SLC36A2: variants seen among roughly 807,000 people sequenced by gnomAD.
SLC36A2 encodes the protein proton-coupled amino acid transporter 2.
In SLC36A2, 39 loss-of-function variants were observed where a neutral mutation model predicts 42.7. The ratio of observed to expected loss-of-function variants is 0.91; its 90% confidence interval spans 0.71 to 1.19. The LOEUF (loss-of-function observed/expected upper bound fraction) is 1.19, where lower values mean the gene tolerates loss of function less well. Among genes scored for constraint, SLC36A2 ranks in the 50% most tolerant of loss-of-function variants. The pLI is 0.00. For synonymous variants in SLC36A2, 237 were observed against 240.8 expected (o/e 0.98, Z 0.15); for missense variants, 590 against 613.7 (o/e 0.96, Z 0.41).
At position 151,344,244 on chromosome 5, in the gene SLC36A2, A is replaced by G; in HGVS notation, c.188T>C (p.Leu63Pro). The change falls in exon 2 of 10, where the codon CTG (leucine) becomes CCG (proline). Residue 63 changes from leucine to proline, a missense_variant. Leu to Pro is a moderately conservative substitution (Grantham distance 98). Coordinates refer to ENST00000335244, the MANE Select transcript of SLC36A2 (RefSeq NM_181776.3). ...CCCTGTGCCCATGTTGCCTTTCACC[A>G]GGTGAATCAAGGCCTGGAACACTCT... The part of the protein sequence containing the change: ...GITVFQALIH[L>P]VKGNMGTGIL... The G allele has an allele frequency of 6.2e-7, 1 of 1,614,044 alleles. No individual in the cohort carries two copies. The highest frequency in any genetic ancestry group is 8.5e-7 in the Non-Finnish European group (1 of 1,179,968).
chr5:151,324,093 A>G (rs934196963), intron 8 of SLC36A2, among the ~76,000 whole-genome samples: 1 of 152,178 alleles, frequency 6.6e-6, no homozygotes, highest in East Asian at 1.9e-4. Flanking sequence ...TGAATTGAGT[A>G]TGCTAGAACA....
At chr5:151,328,159 A>G (rs1021610042) in intron 7 of SLC36A2, among the ~76,000 whole-genome samples, 2 of 152,226 alleles carry the variant, frequency 1.3e-5, no homozygotes, top group East Asian at 1.9e-4. Context: ...GTCCATGACT[A>G]TTCCAAATTC....
chr5:151,321,485 G>A (rs1407918354), intron 9 of SLC36A2, among the ~76,000 whole-genome samples: 2 of 151,916 alleles, frequency 1.3e-5, no homozygotes, highest in African/African-American at 4.8e-5. Flanking sequence ...TGCGCAGCAA[G>A]TTCTTACAGT....
In SLC36A2 at chr5:151,342,898, G is replaced by A. The variant is rs80168260; in HGVS notation, c.430C>T (p.His144Tyr). ...GCAAGAACAGGTTACCTTCCCCAGT[G>A]AGCGTGATTCTGGAGCCAGGCGTTG... The part of the protein sequence containing the change: ...NPNAWLQNHA[H>Y]WGRHIVSFFL... Residue 144 changes from histidine (H) to tyrosine (Y), a missense_variant, in exon 4 of 10, where the codon CAC becomes TAC. Physicochemically the swap from His to Tyr is moderately conservative, Grantham distance 83 (BLOSUM62 2). Transcript: ENST00000335244. 321 of 1,614,060 alleles carry A rather than the reference G, an allele frequency of 2.0e-4. No individual in the cohort carries two copies. In the African/African-American group the frequency reaches 3.1e-3, roughly 16 times the overall value.
rs1462359907 is a variant in SLC36A2 at position 151,343,523 on chromosome 5, G to T, written c.331C>A (p.Arg111Ser). Residue 111 changes from arginine (R) to serine (S), a missense_variant, in exon 3 of 10, where the codon CGC becomes AGC. Coordinates refer to ENST00000335244, the MANE Select transcript of SLC36A2 (RefSeq NM_181776.3). Reference protein sequence around the residue: ...CMHILVKCAQRFCKRLNKPFM... With the variant: ...CMHILVKCAQSFCKRLNKPFM... ...TGTTTTCCTCACCTCTTACAGAAGC[G>T]CTGGGCACACTTGACCAGGATGTGC... The T allele has an allele frequency of 6.2e-7, 1 of 1,614,132 alleles. No homozygotes were observed.
At chr5:151,322,720 G>A (rs408316) in intron 8 of SLC36A2, among the ~76,000 whole-genome samples, 85,373 of 152,028 alleles carry the variant, frequency 0.56, 24,525 homozygotes, top group East Asian at 0.85. Flanking sequence ...CAAATCCTTG[G>A]AAGAAGAGAC....
At chr5:151,332,278 T>C (rs1227336117) in intron 7 of SLC36A2, 2 of 323,472 alleles carry the variant, frequency 6.2e-6, no homozygotes, top group African/African-American at 2.2e-5. Flanking sequence ...GTATCTGGAA[T>C]ATATAAAGAA....
intron 8 of SLC36A2, 88 bp downstream of exon 8, chr5:151,325,198 G>A (rs1488045489): frequency 6.7e-7 from 1 of 1,494,562 alleles, no homozygotes; most frequent in Admixed American, 1.9e-5. Flanking sequence ...CTAGACCTCA[G>A]TTTCCCAGCT....
intron 1 of SLC36A2, among the ~76,000 whole-genome samples, chr5:151,346,611 A>T (rs903044388): frequency 6.6e-6 from 1 of 151,762 alleles, no homozygotes; most frequent in African/African-American, 2.4e-5. Flanking sequence ...TCACTACCAC[A>T]CCCCACACCT....
chr5:151,334,390 A>G (rs1417290898), intron 6 of SLC36A2, among the ~76,000 whole-genome samples: 7 of 151,964 alleles, frequency 4.6e-5, no homozygotes, highest in South Asian at 2.1e-4. Flanking sequence ...AGTGTTGTCT[A>G]TTATAAAAGA....
rs140956938 is a variant in SLC36A2, at chr5:151,317,065, G to A, written c.1204C>T (p.Arg402Cys). The change falls in exon 10 of 10, where the codon CGC becomes TGC. Residue 402 changes from arginine (R) to cysteine (C), a missense_variant. By Grantham distance (180) the Arg-to-Cys change is radical. Transcript: ENST00000335244. ...ACCAGGGAGATGACCAGGTCCAGGC[G>A]GGGGATGAGGATGGCCAGGAGGCCT... ...LTCLLAILIP[R>C]LDLVISLVGS... 42 of 1,614,102 alleles carry A rather than the reference G, an allele frequency of 2.6e-5. No homozygotes were observed. The African/African-American group carries it at 2.7e-4, about 10-fold the overall frequency.
At position 151,316,763 on chromosome 5, in the gene SLC36A2, A is replaced by AG; in HGVS notation, c.*53dup. 1 of 1,490,262 alleles carries AG rather than the reference A, an allele frequency of 6.7e-7. No homozygotes were observed. The allele number at this position is 1,490,262 out of a possible 1,614,324, so 92.3% of individuals were successfully genotyped here. A position where few individuals can be genotyped will look rare whatever the true frequency, so the allele number is the denominator to read the frequency against. On this transcript the variant is annotated 3_prime_UTR_variant, in exon 10 of 10. Coordinates refer to ENST00000335244, the MANE Select transcript of SLC36A2 (RefSeq NM_181776.3). ...CTCAAAAAAAAAAAAAAAAAAAAAA[A>AG]GAGATCCATATAATTAAAAGTCGGG...
At chr5:151,338,917 G>C in intron 5 of SLC36A2, 143 bp downstream of exon 5, 1 of 669,854 alleles carries the variant, frequency 1.5e-6, no homozygotes, top group East Asian at 3.2e-5. Context: ...ATGTGAACTA[G>C]GGGAGGCAAG....
chr5:151,331,674 A>T (rs1755999404), intron 7 of SLC36A2, among the ~76,000 whole-genome samples: 1 of 152,154 alleles, frequency 6.6e-6, no homozygotes, highest in South Asian at 2.1e-4. Flanking sequence ...ACAACCAGAA[A>T]GATAGAGGAT....
intron 4 of SLC36A2, among the ~76,000 whole-genome samples, chr5:151,341,730 C>A (rs753825669): frequency 2.0e-5 from 3 of 152,140 alleles, no homozygotes; most frequent in Non-Finnish European, 4.4e-5. Flanking sequence ...ACCTCTCTGT[C>A]CCTGGCTTCA....
At chr5:151,341,167 A>T (rs1756333458) in intron 4 of SLC36A2, among the ~76,000 whole-genome samples, 1 of 152,208 alleles carries the variant, frequency 6.6e-6, no homozygotes, top group African/African-American at 2.4e-5. Context: ...AGAGGCAGTA[A>T]TTAATGAAAG....
chr5:151,331,640 A>G (rs561932129), intron 7 of SLC36A2, among the ~76,000 whole-genome samples: 1 of 152,184 alleles, frequency 6.6e-6, no homozygotes, highest in African/African-American at 2.4e-5. Flanking sequence ...TTTGCAATAG[A>G]TTCTTAGACA....
intron 1 of SLC36A2, among the ~76,000 whole-genome samples, chr5:151,345,866 A>G (rs1756476613): frequency 6.6e-6 from 1 of 152,208 alleles, no homozygotes; most frequent in South Asian, 2.1e-4. Flanking sequence ...CACAGCAGCC[A>G]ACACTTACAG....
chr5:151,346,309 G>A (rs1756496586), intron 1 of SLC36A2, among the ~76,000 whole-genome samples: 1 of 152,120 alleles, frequency 6.6e-6, no homozygotes, highest in Admixed American at 6.5e-5. Flanking sequence ...CAGGCAGCAG[G>A]GCCAGTCACT....
Sources: allele counts gnomAD v4.1 joint callset (sites outside exome capture counted in the v4.1 genomes callset), GRCh38; gene constraint gnomAD v4.1.1; transcripts MANE v1.5; gene names NCBI Gene and HGNC (gene_info 2026-07-23, HGNC 2026-07-21).